The following MEI4 variants were observed in gnomAD, a reference collection of about 807,000 sequenced individuals.
MEI4 encodes meiotic double-stranded break formation protein 4.
MEI4 carries 27 observed loss-of-function variants against 31.4 expected under a neutral mutation model. The observed-to-expected ratio is 0.86, with a 90% CI of 0.63 to 1.19. The LOEUF (loss-of-function observed/expected upper bound fraction) is 1.19, where lower values mean the gene tolerates loss of function less well. Ranked by LOEUF, MEI4 falls within the 50% of genes most tolerant of loss-of-function variation. The probability of loss-of-function intolerance (pLI) is 0.00; values close to 1 mark genes in which losing one functional copy is unlikely to be tolerated. For missense variants in MEI4, 329 were observed against 398.9 expected, an observed-to-expected ratio of 0.82 and a Z score of 1.49; for synonymous variants, 122 against 145.4, an observed-to-expected ratio of 0.84 and a Z score of 1.16.
At chr6:77,651,708 CAAATG>C (rs905134467), upstream of MEI4, among the ~76,000 whole-genome samples, 26 of 152,158 alleles carry the variant, frequency 1.7e-4, no homozygotes, top group African/African-American at 6.0e-4. Flanking sequence ...AGTTTCAGAT[CAAATG>C]AAATAAAGAG....
rs1267971753 is a variant in MEI4, at chr6:77,923,194, A to C, written c.1006A>C (p.Ile336Leu). Residue 336 changes from isoleucine (I) to leucine (L), a missense_variant, in exon 5 of 5, where the codon ATA (isoleucine) becomes CTA (leucine). Physicochemically the swap from Ile to Leu is conservative, Grantham distance 5. Coordinates refer to ENST00000684080, the MANE Select transcript of MEI4 (RefSeq NM_001322247.2). ...AACCGAAGAAGGCAACACTTCAAGT[A>C]TAGGTCATGATGACCAAGAAATCAA... ...KETEEGNTSS[I>L]GHDDQEIKKF... 8.1e-7 allele frequency: 1 copy of C among 1,230,594 alleles called. No homozygotes were observed. The highest frequency in any genetic ancestry group is 4.2e-5 in the Admixed American group (1 of 23,568). 76.2% of individuals were successfully genotyped at this position (1,230,594 alleles called of 1,614,324 possible). A position where few individuals can be genotyped will look rare whatever the true frequency, so the allele number is the denominator to read the frequency against.
At chr6:77,792,473 C>A (rs968106011) in intron 3 of MEI4, among the ~76,000 whole-genome samples, 3 of 151,918 alleles carry the variant, frequency 2.0e-5, no homozygotes, top group African/African-American at 7.2e-5. Flanking sequence ...TACTTGTTTT[C>A]TTTTGTCTTT....
At chr6:77,865,071 C>A (rs919110098) in intron 4 of MEI4, among the ~76,000 whole-genome samples, 7 of 152,084 alleles carry the variant, frequency 4.6e-5, no homozygotes, top group African/African-American at 1.2e-4. Flanking sequence ...CTCTAGGACA[C>A]ATTCAAAGCA....
At chr6:77,676,563 A>C (rs964158686) in intron 1 of MEI4, among the ~76,000 whole-genome samples, 1 of 152,088 alleles carries the variant, frequency 6.6e-6, no homozygotes, top group African/African-American at 2.4e-5. Flanking sequence ...ATAACCACTG[A>C]AGCCTTCAAT....
At chr6:77,886,816 T>C (rs762268198) in intron 4 of MEI4, among the ~76,000 whole-genome samples, 2 of 152,194 alleles carry the variant, frequency 1.3e-5, no homozygotes, top group Non-Finnish European at 2.9e-5. Context: ...CATTTTCATA[T>C]TGATTTTATT....
At chr6:77,699,697 C>T (rs965537782) in intron 2 of MEI4, among the ~76,000 whole-genome samples, 3 of 152,062 alleles carry the variant, frequency 2.0e-5, no homozygotes, top group South Asian at 2.1e-4. Flanking sequence ...GTTTTTTCCC[C>T]ATCTTTGTGG....
chr6:77,781,410 A>C (rs1768593509), intron 3 of MEI4, among the ~76,000 whole-genome samples: 1 of 152,154 alleles, frequency 6.6e-6, no homozygotes, highest in Non-Finnish European at 1.5e-5. Flanking sequence ...GTTAATATAC[A>C]TTAAAAACTT....
chr6:77,918,906 T>A (rs998767623), intron 4 of MEI4, among the ~76,000 whole-genome samples: 4 of 152,086 alleles, frequency 2.6e-5, no homozygotes, highest in Non-Finnish European at 4.4e-5. Context: ...GCTGTGGGAT[T>A]CTCATAGATA....
At chr6:77,874,438 T>C (rs956511943) in intron 4 of MEI4, among the ~76,000 whole-genome samples, 1 of 152,180 alleles carries the variant, frequency 6.6e-6, no homozygotes, top group African/African-American at 2.4e-5. Context: ...ATGCTTGTGA[T>C]TTTTGCACAT....
chr6:77,799,171 T>A (rs1365146424), intron 3 of MEI4, among the ~76,000 whole-genome samples: 1 of 152,080 alleles, frequency 6.6e-6, no homozygotes, highest in Non-Finnish European at 1.5e-5. Flanking sequence ...CCTGACTTTT[T>A]AATGATTGCC....
At chr6:77,868,517 A>ATACG (rs1322025721) in intron 4 of MEI4, among the ~76,000 whole-genome samples, 6 of 117,806 alleles carry the variant, frequency 5.1e-5, no homozygotes, top group African/African-American at 2.4e-4. Context: ...ATATATATAT[A>ATACG]TATATATATA....
intron 3 of MEI4, among the ~76,000 whole-genome samples, chr6:77,801,849 A>T (rs1769270842): frequency 6.6e-6 from 1 of 152,174 alleles, no homozygotes; most frequent in African/African-American, 2.4e-5. Context: ...ATAGTTTGTT[A>T]TAATTTCTGT....
intron 4 of MEI4, among the ~76,000 whole-genome samples, chr6:77,915,976 G>A (rs144518069): frequency 1.3e-5 from 2 of 151,382 alleles, no homozygotes; most frequent in African/African-American, 4.9e-5. Context: ...CTTTATTTTT[G>A]TCTGACTGGG....
chr6:77,804,029 G>T (rs1220198139), intron 3 of MEI4, among the ~76,000 whole-genome samples: 1 of 152,184 alleles, frequency 6.6e-6, no homozygotes, highest in Non-Finnish European at 1.5e-5. Flanking sequence ...GTCTGCAGAG[G>T]TTTCTGCTGC....
rs148491501 is a variant in MEI4 at position 77,906,830 on chromosome 6, A to G, written c.901-16259A>G. Among the ~76,000 whole-genome samples the G allele has an allele frequency of 7.3e-3, 1,118 of 152,272 alleles. 11 individuals are homozygous for G. The highest frequency in any genetic ancestry group is 0.013 in the Non-Finnish European group (886 of 68,022). On this transcript the variant is annotated intron_variant, in intron 4 of 4. Transcript: ENST00000684080. ...TTATGAAACACCTGGGAAGTCAAGA[A>G]AGAGAGGACAGGCAGGCTCAGAGTT... is the stretch of plus-strand genomic sequence containing the variant.
intron 4 of MEI4, among the ~76,000 whole-genome samples, chr6:77,853,757 T>G (rs1056784996): frequency 6.6e-6 from 1 of 152,198 alleles, no homozygotes; most frequent in Non-Finnish European, 1.5e-5. Flanking sequence ...TAAATTAGGT[T>G]CTGTTAGAAG....
intron 3 of MEI4, among the ~76,000 whole-genome samples, chr6:77,771,463 T>C (rs1470574317): frequency 6.6e-6 from 1 of 152,140 alleles, no homozygotes; most frequent in Non-Finnish European, 1.5e-5. Flanking sequence ...ATATGAATTA[T>C]TTTACTATAA....
chr6:77,910,009 C>A (rs1766394592), intron 4 of MEI4, among the ~76,000 whole-genome samples: 1 of 152,106 alleles, frequency 6.6e-6, no homozygotes, highest in South Asian at 2.1e-4. Flanking sequence ...AATTCAACAA[C>A]CTTCATGCTA....
intron 1 of MEI4, among the ~76,000 whole-genome samples, chr6:77,689,442 G>A (rs920018253): frequency 1.3e-5 from 2 of 151,968 alleles, no homozygotes; most frequent in African/African-American, 4.8e-5. Context: ...ACAGCATTAA[G>A]CCATTTGTTA....
Sources: gnomAD v4.1 joint callset for allele counts (sites outside exome capture counted in the v4.1 genomes callset) on GRCh38, gnomAD v4.1.1 for gene constraint, MANE v1.5 for transcripts, NCBI Gene and HGNC (gene_info 2026-07-23, HGNC 2026-07-21) for gene names.